Variants in NBEA observed in about 807,000 individuals in gnomAD.
NBEA encodes lysosomal-trafficking regulator 2.
Under a neutral mutation model 343.4 loss-of-function variants are expected in NBEA, and 44 were observed. The ratio of observed to expected loss-of-function variants is 0.13; its 90% CI spans 0.10 to 0.16. The LOEUF is 0.16. NBEA is among the 10% of genes least tolerant of loss of function. NBEA has a pLI of 1.00. For missense variants in NBEA, 2,555 were observed against 3,631.3 expected (o/e 0.70, Z 7.62); for synonymous variants, 1,175 against 1,238.7 (o/e 0.95, Z 1.08).
At chr13:35,403,313 T>C (rs2043085969) in intron 38 of NBEA, among the ~76,000 whole-genome samples, 1 of 152,084 alleles carries the variant, frequency 6.6e-6, no homozygotes, top group Non-Finnish European at 1.5e-5. Context: ...ATAAGTACTA[T>C]AGGGTTGCAA....
intron 48 of NBEA, 24 bp from the exon 49 acceptor site, chr13:35,628,057 C>T (rs899697372): frequency 6.3e-7 from 1 of 1,590,416 alleles, no homozygotes; most frequent in African/African-American, 1.4e-5. Context: ...GATGGTCTCT[C>T]ATTTCTTTCT....
chr13:35,069,025 ATCAGCCTAATGATTTGC>A (rs2063763427), intron 8 of NBEA, among the ~76,000 whole-genome samples: 1 of 152,182 alleles, frequency 6.6e-6, no homozygotes. Context: ...TTAGAGCCAC[ATCAGCCTAATGATTTGC>A]TCAGCATGAA....
At chr13:34,974,623 G>A (rs140248576) in intron 1 of NBEA, among the ~76,000 whole-genome samples, 8 of 152,226 alleles carry the variant, frequency 5.3e-5, no homozygotes, top group Non-Finnish European at 8.8e-5. Flanking sequence ...AGAATTGCCC[G>A]TATGAGTACA....
In NBEA at chr13:35,321,564, G is replaced by A. The variant is rs138097148; in HGVS notation, c.5903+11972G>A. Among the ~76,000 whole-genome samples, 32 of 152,332 alleles carry A rather than the reference G, an allele frequency of 2.1e-4. No individual in the cohort carries two copies. In the East Asian group the frequency reaches 6.0e-3, roughly 29 times the overall value. On this transcript the variant is annotated intron_variant, in intron 36 of 58. Transcript: ENST00000379939. Reference sequence around the variant, plus strand: ...GGGAGGTGTTTCCTTCAGTCAGGAAGCACTGTGGTCAGGGACCCACATGAG... The same window carrying A: ...GGGAGGTGTTTCCTTCAGTCAGGAAACACTGTGGTCAGGGACCCACATGAG...
At chr13:35,508,978 T>A (rs1053689674) in intron 41 of NBEA, among the ~76,000 whole-genome samples, 1 of 152,102 alleles carries the variant, frequency 6.6e-6, no homozygotes, top group Non-Finnish European at 1.5e-5. Flanking sequence ...TGGACATGAG[T>A]GTCTACTGTG....
intron 41 of NBEA, among the ~76,000 whole-genome samples, chr13:35,515,713 A>G (rs1361190174): frequency 6.7e-6 from 1 of 149,690 alleles, no homozygotes; most frequent in South Asian, 2.1e-4. Context: ...TTTACTCTCC[A>G]TTTTCTAAGT....
chr13:35,019,306 T>C (rs117901779), intron 1 of NBEA, among the ~76,000 whole-genome samples: 1,943 of 150,488 alleles, frequency 0.013, 17 homozygotes, highest in Non-Finnish European at 0.02. Context: ...TGTTTTTTGT[T>C]TTTTTTTTTG....
intron 16 of NBEA, among the ~76,000 whole-genome samples, chr13:35,122,710 A>T (rs1440805686): frequency 6.6e-6 from 1 of 152,196 alleles, no homozygotes; most frequent in Admixed American, 6.5e-5. Flanking sequence ...CCTAGAACTT[A>T]AAGTATATAA....
intron 34 of NBEA, chr13:35,251,524 C>G: frequency 8.8e-7 from 1 of 1,131,516 alleles, no homozygotes; most frequent in Non-Finnish European, 1.1e-6. Context: ...CACCTCTGGG[C>G]TCATCCTGGA....
intron 48 of NBEA, among the ~76,000 whole-genome samples, chr13:35,624,471 A>C (rs1225919981): frequency 6.6e-6 from 1 of 152,122 alleles, no homozygotes; most frequent in Non-Finnish European, 1.5e-5. Context: ...TTGGATAGTA[A>C]AACCTAGTGT....
At chr13:35,665,040 CCTGCTATTGGT>C in intron 55 of NBEA, 34 bp from the exon 56 acceptor site, 1 of 1,283,534 alleles carries the variant, frequency 7.8e-7, no homozygotes, top group Non-Finnish European at 1.1e-6. Flanking sequence ...GCTCTCTCCC[CCTGCTATTGGT>C]CTGTAGTGCC....
chr13:35,130,604 T>C (rs1378163395), intron 17 of NBEA, among the ~76,000 whole-genome samples: 1 of 151,834 alleles, frequency 6.6e-6, no homozygotes, highest in African/African-American at 2.4e-5. Context: ...TTTGGAAGAG[T>C]ATTTTACAAA....
chr13:35,321,385 C>T (rs1004384966), intron 36 of NBEA, among the ~76,000 whole-genome samples: 2 of 152,150 alleles, frequency 1.3e-5, no homozygotes, highest in African/African-American at 4.8e-5. Context: ...GCTGGAGGTC[C>T]ACTCCAGTCC....
At chr13:35,127,940 G>T (rs530176522) in intron 17 of NBEA, among the ~76,000 whole-genome samples, 3 of 152,010 alleles carry the variant, frequency 2.0e-5, no homozygotes. Context: ...TAAATCAGCT[G>T]TTGTAAGAAA....
chr13:35,329,693 G>A (rs1048247382), intron 36 of NBEA, among the ~76,000 whole-genome samples: 1 of 151,910 alleles, frequency 6.6e-6, no homozygotes, highest in Admixed American at 6.6e-5. Flanking sequence ...GGCAGGAAAA[G>A]GTAACAAAAG....
chr13:35,645,605 T>C (rs2153076253), intron 49 of NBEA, among the ~76,000 whole-genome samples: 1 of 152,286 alleles, frequency 6.6e-6, no homozygotes, highest in South Asian at 2.1e-4. Flanking sequence ...CTTTTTTGGG[T>C]GAGTTCTCTC....
At chr13:35,003,868 T>C (rs1178307435) in intron 1 of NBEA, among the ~76,000 whole-genome samples, 1 of 152,168 alleles carries the variant, frequency 6.6e-6, no homozygotes, top group African/African-American at 2.4e-5. Flanking sequence ...GTTTGCTGCA[T>C]GTAACAACCC....
intron 55 of NBEA, among the ~76,000 whole-genome samples, chr13:35,658,366 C>T (rs561687445): frequency 2.0e-5 from 3 of 152,216 alleles, no homozygotes; most frequent in South Asian, 4.1e-4. Context: ...TTAATGTGAA[C>T]ATACGTAGTA....
intron 1 of NBEA, among the ~76,000 whole-genome samples, chr13:34,992,281 G>T (rs2060790000): frequency 7.0e-6 from 1 of 142,560 alleles, no homozygotes; most frequent in Middle Eastern, 3.9e-3. Context: ...TTTAGACAGA[G>T]TCTAGCTCTG....
Sources: gnomAD v4.1 joint callset for allele counts (sites outside exome capture counted in the v4.1 genomes callset) on GRCh38, gnomAD v4.1.1 for gene constraint, MANE v1.5 for transcripts, NCBI Gene and HGNC (gene_info 2026-07-23, HGNC 2026-07-21) for gene names.